LRRC7: variants seen among roughly 807,000 people sequenced by gnomAD.
The protein encoded by LRRC7 is leucine rich repeat containing 7, also known as leucine-rich repeat-containing protein 7.
LRRC7 carries 23 observed loss-of-function variants against 175.7 expected under a neutral mutation model. That is an observed-to-expected ratio of 0.13 (90% CI 0.09 to 0.19). LRRC7 has a LOEUF of 0.19. LRRC7 is among the 10% of genes least tolerant of loss of function. The pLI is 1.00. For synonymous variants in LRRC7, 685 were observed against 680.9 expected, an observed-to-expected ratio of 1.01 and a Z score of -0.09; for missense variants, 1,354 against 1,904.7, an observed-to-expected ratio of 0.71 and a Z score of 5.38.
At chr1:69,975,286 T>C (rs1652693783) in intron 8 of LRRC7, among the ~76,000 whole-genome samples, 1 of 152,164 alleles carries the variant, frequency 6.6e-6, no homozygotes, top group South Asian at 2.1e-4. Flanking sequence ...TCCCACAGCA[T>C]CCTCACCCAC....
intron 1 of LRRC7, among the ~76,000 whole-genome samples, chr1:69,591,203 A>G (rs1280448036): frequency 6.6e-6 from 1 of 152,132 alleles, no homozygotes; most frequent in African/African-American, 2.4e-5. Flanking sequence ...GAAACTTTTC[A>G]AAGATTTCCT....
intron 8 of LRRC7, among the ~76,000 whole-genome samples, chr1:69,944,897 T>A (rs116617841): frequency 5.8e-4 from 89 of 152,172 alleles, no homozygotes; most frequent in African/African-American, 2.1e-3. Context: ...CCTCATATAT[T>A]TTAGATATTG....
intron 24 of LRRC7, among the ~76,000 whole-genome samples, chr1:70,080,607 A>G (rs1663133124): frequency 6.6e-6 from 1 of 152,208 alleles, no homozygotes; most frequent in Non-Finnish European, 1.5e-5. Flanking sequence ...AATTAAATAT[A>G]TGGAAGTTAT....
intron 3 of LRRC7, among the ~76,000 whole-genome samples, chr1:69,773,799 T>C (rs962716935): frequency 6.6e-6 from 1 of 152,186 alleles, no homozygotes; most frequent in African/African-American, 2.4e-5. Flanking sequence ...TTTTGTTATC[T>C]TCACTAAATT....
At chr1:70,116,723 TAGAA>T (rs1462513574) in intron 26 of LRRC7, among the ~76,000 whole-genome samples, 6 of 152,244 alleles carry the variant, frequency 3.9e-5, no homozygotes, top group East Asian at 3.9e-4. Flanking sequence ...AGGTTTTTGA[TAGAA>T]AGGAAAGTTT....
rs1305857479 is a variant in LRRC7 at position 70,143,690 on chromosome 1, T to G, written c.*21803T>G. The stretch of plus-strand genomic sequence containing the variant: ...TTTAAGGTTTTCTACTTGGGTGTAC[T>G]CTAGCCAATTCAAAACAAATTGCTT... On this transcript the variant is annotated 3_prime_UTR_variant, in exon 27 of 27. Coordinates refer to ENST00000651989, the MANE Select transcript of LRRC7 (RefSeq NM_001370785.2). 6 of 152,172 alleles carry G rather than the reference T, an allele frequency of 3.9e-5. No individual in the cohort carries two copies. Among genetic ancestry groups the G allele is most frequent in the African/African-American group, 1.4e-4 (6 of 41,452 alleles). The allele number at this position is 152,172 out of a possible 1,614,324, so 9.4% of individuals were successfully genotyped here.
At chr1:69,677,101 C>T (rs1659861905) in intron 1 of LRRC7, among the ~76,000 whole-genome samples, 1 of 145,000 alleles carries the variant, frequency 6.9e-6, no homozygotes. Context: ...AGTTACTGAA[C>T]ATTATTTCAT....
chr1:69,653,164 TG>T (rs1656108606), intron 1 of LRRC7, among the ~76,000 whole-genome samples: 1 of 151,970 alleles, frequency 6.6e-6, no homozygotes, highest in Non-Finnish European at 1.5e-5. Context: ...AACTACAGAA[TG>T]GGAGAAAATA....
intron 1 of LRRC7, among the ~76,000 whole-genome samples, chr1:69,649,386 G>A (rs919729924): frequency 6.6e-6 from 1 of 152,122 alleles, no homozygotes; most frequent in South Asian, 2.1e-4. Flanking sequence ...TGATATATGT[G>A]CTTTGCCTAA....
At chr1:70,016,354 A>C in intron 13 of LRRC7, 111 bp from the exon 14 acceptor site, 1 of 700,234 alleles carries the variant, frequency 1.4e-6, no homozygotes, top group Non-Finnish European at 2.2e-6. Flanking sequence ...TCAATGGAGA[A>C]GGGATTCAAG....
rs1166425478 is a variant in LRRC7, at chr1:70,075,982, C to T, written c.4231-95C>T. 40 of 1,306,952 alleles carry T rather than the reference C, an allele frequency of 3.1e-5. No homozygotes were observed. The South Asian group carries it at 4.0e-4, about 13-fold the overall frequency. 81.0% of individuals were successfully genotyped at this position (1,306,952 alleles called of 1,614,324 possible). ...CCATGGCTGAGAGCCCAAATGGTGC[C>T]GCTTTACCAGAGAGGTATTCTGTAC... On this transcript the variant is annotated intron_variant, in intron 23 of 26. Coordinates refer to ENST00000651989, the MANE Select transcript of LRRC7 (RefSeq NM_001370785.2).
At chr1:70,063,413 T>G (rs1373307736) in intron 23 of LRRC7, among the ~76,000 whole-genome samples, 1 of 152,020 alleles carries the variant, frequency 6.6e-6, no homozygotes, top group Non-Finnish European at 1.5e-5. Flanking sequence ...GTTGAATATG[T>G]GATGAGAAGT....
At chr1:69,669,598 G>A (rs150963851) in intron 1 of LRRC7, among the ~76,000 whole-genome samples, 1 of 152,012 alleles carries the variant, frequency 6.6e-6, no homozygotes, top group Admixed American at 6.6e-5. Context: ...CTCATACTTG[G>A]ATATTGATAT....
chr1:69,965,018 G>A (rs1478332812), intron 8 of LRRC7, among the ~76,000 whole-genome samples: 2 of 152,198 alleles, frequency 1.3e-5, no homozygotes, highest in East Asian at 3.8e-4. Context: ...AAGATTTGAG[G>A]ATAGTCCTGT....
Position 69,722,520 on chromosome 1 carries a change from G to C in LRRC7, c.101-37671G>C, listed in dbSNP as rs368849128. On this transcript the variant is annotated intron_variant, in intron 2 of 26. Coordinates refer to ENST00000651989, the MANE Select transcript of LRRC7 (RefSeq NM_001370785.2). ...CCAGTATCCATAATGTAGTGAATAAGACTTTCTAAATTTAATAGATGGATA... is the reference window on the plus strand; with the variant it reads ...CCAGTATCCATAATGTAGTGAATAACACTTTCTAAATTTAATAGATGGATA... Among the ~76,000 whole-genome samples the C allele has an allele frequency of 2.2e-4, 33 of 152,020 alleles. No individual in the cohort carries two copies. In the South Asian group the frequency reaches 6.6e-3, roughly 31 times the overall value.
rs1026862871 is a variant in LRRC7 at position 70,143,837 on chromosome 1, A to T, written c.*21950A>T. Reference sequence around the variant, plus strand: ...GTGATTTTGAGCTTAAATTATATATAAAAAATTGTCATTTTTGTATGTGTT... The same window carrying T: ...GTGATTTTGAGCTTAAATTATATATTAAAAATTGTCATTTTTGTATGTGTT... On this transcript the variant is annotated 3_prime_UTR_variant, in exon 27 of 27. Transcript: ENST00000651989. 4.6e-5 allele frequency: 7 copies of T among 152,158 alleles called. No individual in the cohort carries two copies. Among genetic ancestry groups the T allele is most frequent in the African/African-American group, 1.7e-4 (7 of 41,416 alleles). The allele number at this position is 152,158 out of a possible 1,614,324, so 9.4% of individuals were successfully genotyped here.
intron 7 of LRRC7, among the ~76,000 whole-genome samples, chr1:69,907,691 A>G (rs1042546081): frequency 9.9e-5 from 15 of 152,186 alleles, no homozygotes; most frequent in Non-Finnish European, 1.3e-4. Flanking sequence ...TTTTCCATCA[A>G]TGTTCATCAA....
chr1:69,727,080 C>A (rs1283616884), intron 2 of LRRC7, among the ~76,000 whole-genome samples: 1 of 152,174 alleles, frequency 6.6e-6, no homozygotes, highest in East Asian at 1.9e-4. Flanking sequence ...GCTGGGAAAG[C>A]CCTTCAGTAT....
chr1:69,856,060 G>A (rs1459455134), intron 7 of LRRC7, among the ~76,000 whole-genome samples: 1 of 152,080 alleles, frequency 6.6e-6, no homozygotes, highest in African/African-American at 2.4e-5. Flanking sequence ...GCACATTGAT[G>A]GGTCTTGACT....
Sources: allele counts gnomAD v4.1 joint callset (sites outside exome capture counted in the v4.1 genomes callset), GRCh38; gene constraint gnomAD v4.1.1; transcripts MANE v1.5; gene names NCBI Gene and HGNC (gene_info 2026-07-23, HGNC 2026-07-21).